Variants in EYS observed in about 807,000 individuals in gnomAD.
EYS encodes the protein protein eyes shut homolog.
Under a neutral mutation model 282.1 loss-of-function variants are expected in EYS, and 250 were observed. The observed-to-expected ratio is 0.89, with a 90% CI of 0.80 to 0.98. The LOEUF (loss-of-function observed/expected upper bound fraction) is 0.98. Ranked by LOEUF, EYS falls within the 50% of genes least tolerant of loss-of-function variation. The pLI is 0.00. For missense variants in EYS, 4,016 were observed against 3,709.0 expected (o/e 1.08, Z -2.15); for synonymous variants, 1,355 against 1,282.9 (o/e 1.06, Z -1.20).
intron 31 of EYS, among the ~76,000 whole-genome samples, chr6:64,091,594 C>A (rs149953981): frequency 0.011 from 1,667 of 152,232 alleles, 25 homozygotes; most frequent in African/African-American, 0.038. Context: ...CAGGCCTCTA[C>A]GTTGATGGTC....
intron 8 of EYS, among the ~76,000 whole-genome samples, chr6:65,361,741 A>C (rs558673096): frequency 3.9e-5 from 6 of 152,188 alleles, no homozygotes; most frequent in African/African-American, 1.4e-4. Flanking sequence ...TCAGCCTCCC[A>C]ACATGCTGGG....
chr6:64,089,554 CACATTAT>C (rs1173248114), intron 31 of EYS, among the ~76,000 whole-genome samples: 2 of 150,388 alleles, frequency 1.3e-5, no homozygotes, highest in South Asian at 2.1e-4. Context: ...ACTTTTTTAC[CACATTAT>C]ACATTTTTGC....
intron 14 of EYS, among the ~76,000 whole-genome samples, chr6:64,982,758 T>C (rs1296319528): frequency 6.6e-6 from 1 of 151,240 alleles, no homozygotes; most frequent in Non-Finnish European, 1.5e-5. Flanking sequence ...TCAGAAAATA[T>C]TAAAGATTTT....
chr6:63,943,993 A>T (rs1765316789), intron 35 of EYS, among the ~76,000 whole-genome samples: 1 of 152,220 alleles, frequency 6.6e-6, no homozygotes, highest in African/African-American at 2.4e-5. Context: ...TGGAATGCCA[A>T]CAGCCTTCTT....
chr6:65,579,190 A>G lies in EYS; in HGVS notation c.-333+60588T>C, dbSNP rs114742076. Among the ~76,000 whole-genome samples, 1,002 of 152,216 alleles carry G rather than the reference A, an allele frequency of 6.6e-3. 5 individuals are homozygous for G. Among genetic ancestry groups the G allele is most frequent in the Non-Finnish European group, 0.011 (744 of 68,008 alleles). ...TTCCTTTCTTAGGGAACTTAAGCAT[A>G]CTTGAAAATAGCAAGTACTTAAAAA... On this transcript the variant is annotated intron_variant, in intron 2 of 42. Transcript: ENST00000503581.
chr6:64,974,052 T>C (rs1178122360), intron 14 of EYS, among the ~76,000 whole-genome samples: 1 of 151,928 alleles, frequency 6.6e-6, no homozygotes, highest in Non-Finnish European at 1.5e-5. Context: ...TTGGATTCCA[T>C]CATTACATTT....
intron 12 of EYS, among the ~76,000 whole-genome samples, chr6:65,089,471 G>C (rs1458655409): frequency 6.6e-6 from 1 of 152,110 alleles, no homozygotes; most frequent in East Asian, 1.9e-4. Flanking sequence ...TTGAGGCCTG[G>C]AGCCCCTTTG....
At chr6:63,929,755 C>G (rs997006258) in intron 35 of EYS, among the ~76,000 whole-genome samples, 2 of 152,154 alleles carry the variant, frequency 1.3e-5, no homozygotes, top group Non-Finnish European at 2.9e-5. Context: ...CATCCTTTTT[C>G]TACACTGAGT....
At chr6:65,394,693 G>A (rs1036518759) in intron 7 of EYS, among the ~76,000 whole-genome samples, 1 of 152,090 alleles carries the variant, frequency 6.6e-6, no homozygotes, top group Admixed American at 6.6e-5. Flanking sequence ...ATCCCAGGAA[G>A]CCAGTGGTTT....
intron 26 of EYS, among the ~76,000 whole-genome samples, chr6:64,457,846 A>G (rs1775605031): frequency 6.6e-6 from 1 of 151,812 alleles, no homozygotes; most frequent in Non-Finnish European, 1.5e-5. Context: ...CTCCATTTAC[A>G]TTCAGGGTAA....
intron 12 of EYS, among the ~76,000 whole-genome samples, chr6:65,171,942 G>A (rs1026091642): frequency 7.9e-5 from 12 of 151,256 alleles, no homozygotes; most frequent in African/African-American, 2.9e-4. Flanking sequence ...TGAATATTAT[G>A]AGTTAACAGA....
Position 64,125,144 on chromosome 6 carries a change from CACACTCTCTG to C in EYS, c.6425-43152_6425-43143del, listed in dbSNP as rs370043532. On this transcript the variant is annotated intron_variant, in intron 31 of 42. Transcript: ENST00000503581. ...TCTGATGATGTCAAACACACACACA[CACACTCTCTG>C]TCTCTCTCTCTCTCTCTCTCTCGCT... Among the ~76,000 whole-genome samples, 496 of 151,286 alleles carry C rather than the reference CACACTCTCTG, an allele frequency of 3.3e-3. 8 individuals carry two copies. The highest frequency in any genetic ancestry group is 0.011 in the African/African-American group (465 of 40,708).
At chr6:63,749,470 G>A (rs1769289047) in intron 41 of EYS, among the ~76,000 whole-genome samples, 1 of 152,120 alleles carries the variant, frequency 6.6e-6, no homozygotes, top group African/African-American at 2.4e-5. Flanking sequence ...TTGTTTTTGG[G>A]TGGAGAGTTC....
At chr6:65,170,633 A>C (rs965803098) in intron 12 of EYS, among the ~76,000 whole-genome samples, 1 of 151,508 alleles carries the variant, frequency 6.6e-6, no homozygotes, top group Non-Finnish European at 1.5e-5. Flanking sequence ...CAATAGCATA[A>C]ATACTAAAAG....
chr6:64,259,986 A>G (rs6925966), intron 30 of EYS, among the ~76,000 whole-genome samples: 104,465 of 151,848 alleles, frequency 0.69, 35,950 homozygotes, highest in South Asian at 0.71. Context: ...AGGAATTCCT[A>G]TATTTATTGG....
chr6:65,442,887 T>C (rs1326681724), intron 5 of EYS, among the ~76,000 whole-genome samples: 1 of 151,508 alleles, frequency 6.6e-6, no homozygotes, highest in Non-Finnish European at 1.5e-5. Context: ...CACATACATA[T>C]GTACATATAT....
At chr6:65,418,786 G>A in intron 5 of EYS, among the ~76,000 whole-genome samples, 1 of 151,942 alleles carries the variant, frequency 6.6e-6, no homozygotes. Flanking sequence ...GTATACCTGT[G>A]TAACAAACCT....
chr6:63,930,500 A>G (rs1417100884), intron 35 of EYS, among the ~76,000 whole-genome samples: 2 of 152,174 alleles, frequency 1.3e-5, no homozygotes, highest in Non-Finnish European at 2.9e-5. Context: ...TCTCTCTTCA[A>G]ACTAGCATAC....
chr6:64,991,550 A>C (rs1771063745), intron 14 of EYS, among the ~76,000 whole-genome samples: 1 of 151,670 alleles, frequency 6.6e-6, no homozygotes, highest in Non-Finnish European at 1.5e-5. Flanking sequence ...CCAGCCTCTA[A>C]GAGAAGCTAT....
Sources: allele counts gnomAD v4.1 joint callset (sites outside exome capture counted in the v4.1 genomes callset), GRCh38; gene constraint gnomAD v4.1.1; transcripts MANE v1.5; gene names NCBI Gene and HGNC (gene_info 2026-07-23, HGNC 2026-07-21).